Variants in HHAT observed in about 807,000 individuals in gnomAD.
HHAT encodes hedgehog acyltransferase.
Under a neutral mutation model 70.8 loss-of-function variants are expected in HHAT, and 47 were observed. That is an observed-to-expected ratio of 0.66 (90% CI 0.53 to 0.85). The LOEUF (loss-of-function observed/expected upper bound fraction) is 0.85, where lower values mean the gene tolerates loss of function less well. Ranked by LOEUF, HHAT falls within the 40% of genes least tolerant of loss-of-function variation. The pLI is 0.00. For synonymous variants in HHAT, 228 were observed against 247.6 expected (o/e 0.92, Z 0.74); for missense variants, 609 against 604.8 (o/e 1.01, Z -0.07).
chr1:210,649,209 T>G (rs1307094820), intron 11 of HHAT, among the ~76,000 whole-genome samples: 1 of 152,210 alleles, frequency 6.6e-6, no homozygotes, highest in Non-Finnish European at 1.5e-5. Context: ...AGATGGTGTT[T>G]GGAATCTCAT....
chr1:210,414,199 T>C (rs1305077985), intron 6 of HHAT, among the ~76,000 whole-genome samples: 4 of 152,222 alleles, frequency 2.6e-5, no homozygotes, highest in Non-Finnish European at 1.5e-5. Flanking sequence ...TAGAAGGAAC[T>C]AGCTAACTCT....
chr1:210,342,988 G>T (rs906425942), intron 1 of HHAT, among the ~76,000 whole-genome samples: 1 of 152,108 alleles, frequency 6.6e-6, no homozygotes, highest in Non-Finnish European at 1.5e-5. Flanking sequence ...AGTGTTGAAG[G>T]CCGAAAGAAT....
chr1:210,450,365 A>G lies in HHAT; in HGVS notation c.857-14140A>G, dbSNP rs534648573. Among the ~76,000 whole-genome samples, 53 of 152,242 alleles carry G rather than the reference A, an allele frequency of 3.5e-4. 1 individual carries two copies. The highest frequency in any genetic ancestry group is 1.1e-3 in the African/African-American group (45 of 41,554). Reference sequence around the variant, plus strand: ...GAAGGGTGCCAACTGGGGAAAATGTATGGAAGATCTGCATAGATCACTGGA... The same window carrying G: ...GAAGGGTGCCAACTGGGGAAAATGTGTGGAAGATCTGCATAGATCACTGGA... On this transcript the variant is annotated intron_variant, in intron 7 of 11. Transcript: ENST00000261458.
At chr1:210,578,310 G>A (rs1658378437) in intron 9 of HHAT, among the ~76,000 whole-genome samples, 1 of 152,044 alleles carries the variant, frequency 6.6e-6, no homozygotes, top group African/African-American at 2.4e-5. Flanking sequence ...ATATGTGTTA[G>A]GATGGCTATT....
intron 1 of HHAT, chr1:210,329,509 C>T: frequency 4.0e-6 from 4 of 997,902 alleles, no homozygotes; most frequent in Non-Finnish European, 4.8e-6. Context: ...TGCGTTCTAT[C>T]TTCAGGACTC....
intron 9 of HHAT, among the ~76,000 whole-genome samples, chr1:210,519,246 C>A (rs1326347801): frequency 6.6e-6 from 1 of 152,188 alleles, no homozygotes; most frequent in Non-Finnish European, 1.5e-5. Flanking sequence ...TCTATCTGTG[C>A]ATCTGTTGTT....
chr1:210,464,209 A>C (rs554564073), intron 7 of HHAT, among the ~76,000 whole-genome samples: 73 of 151,918 alleles, frequency 4.8e-4, no homozygotes, highest in African/African-American at 1.6e-3. Flanking sequence ...TCCCCTTCGT[A>C]ATAGTTTTTT....
intron 1 of HHAT, among the ~76,000 whole-genome samples, chr1:210,339,703 G>A (rs642116): frequency 0.76 from 114,872 of 152,118 alleles, 44,558 homozygotes; most frequent in African/African-American, 0.94. Context: ...GAGTTGTGTG[G>A]TGACAGAAGT....
chr1:210,450,855 G>A (rs891728219), intron 7 of HHAT, among the ~76,000 whole-genome samples: 1 of 151,790 alleles, frequency 6.6e-6, no homozygotes, highest in African/African-American at 2.4e-5. Flanking sequence ...TAAAAGTGCG[G>A]GCAGATCACG....
At chr1:210,338,388 C>G (rs1018075146) in intron 1 of HHAT, among the ~76,000 whole-genome samples, 2 of 152,076 alleles carry the variant, frequency 1.3e-5, no homozygotes, top group African/African-American at 4.8e-5. Context: ...TTGAAGGAAT[C>G]ATAGATGTTG....
chr1:210,379,971 A>AT (rs1283632133), intron 3 of HHAT, among the ~76,000 whole-genome samples: 2 of 152,144 alleles, frequency 1.3e-5, no homozygotes, highest in East Asian at 3.9e-4. Flanking sequence ...CTGTGAGCTT[A>AT]TATTTTCTCC....
chr1:210,466,733 A>G (rs1313356551), intron 8 of HHAT, among the ~76,000 whole-genome samples: 1 of 151,720 alleles, frequency 6.6e-6, no homozygotes, highest in African/African-American at 2.4e-5. Context: ...ACTATATTTC[A>G]TATTCAAAAT....
chr1:210,659,882 A>C (rs144285154), intron 11 of HHAT, among the ~76,000 whole-genome samples: 7,317 of 152,296 alleles, frequency 0.048, 270 homozygotes, highest in Non-Finnish European at 0.075. Flanking sequence ...TTCATGCCAA[A>C]AACTCTCAAT....
intron 8 of HHAT, among the ~76,000 whole-genome samples, chr1:210,482,689 T>A (rs1305043476): frequency 6.6e-6 from 1 of 152,206 alleles, no homozygotes; most frequent in Non-Finnish European, 1.5e-5. Context: ...CACGTTGCTG[T>A]ACTGCTATAA....
rs538116723 is a variant in HHAT, at chr1:210,568,327, A to G, written c.1044-19571A>G. On this transcript the variant is annotated intron_variant, in intron 9 of 11. Coordinates refer to ENST00000261458, the MANE Select transcript of HHAT (RefSeq NM_018194.6). Reference sequence around the variant, plus strand: ...CATCTCTTCATCTCTATCTTTTGTGATAATCTTTATAATAACAATTTAGGG... The same window carrying G: ...CATCTCTTCATCTCTATCTTTTGTGGTAATCTTTATAATAACAATTTAGGG... Among the ~76,000 whole-genome samples the G allele has an allele frequency of 3.0e-4, 46 of 152,186 alleles. No individual in the cohort carries two copies. The Middle Eastern group carries it at 0.013, about 42-fold the overall frequency.
chr1:210,614,903 T>TTA (rs1667361499), intron 10 of HHAT, among the ~76,000 whole-genome samples: 2 of 152,230 alleles, frequency 1.3e-5, no homozygotes, highest in African/African-American at 4.8e-5. Flanking sequence ...GCAGCATGAT[T>TTA]TATATTCCTT....
chr1:210,629,827 GTTT>G (rs11356413), intron 11 of HHAT, among the ~76,000 whole-genome samples: 1 of 147,628 alleles, frequency 6.8e-6, no homozygotes, highest in Non-Finnish European at 1.5e-5. Flanking sequence ...TCCTGTTTCT[GTTT>G]TTTTTTTGTT....
At chr1:210,461,438 A>G (rs1325796193) in intron 7 of HHAT, among the ~76,000 whole-genome samples, 1 of 152,178 alleles carries the variant, frequency 6.6e-6, no homozygotes, top group East Asian at 1.9e-4. Flanking sequence ...AGCTGGGACT[A>G]GAAGCGTGCA....
At chr1:210,417,544 A>G (rs1351582859) in intron 6 of HHAT, among the ~76,000 whole-genome samples, 1 of 151,738 alleles carries the variant, frequency 6.6e-6, no homozygotes, top group Non-Finnish European at 1.5e-5. Context: ...CTTATTTTAC[A>G]TTTTCTAAAG....
Sources: gnomAD v4.1 joint callset for allele counts (sites outside exome capture counted in the v4.1 genomes callset) on GRCh38, gnomAD v4.1.1 for gene constraint, MANE v1.5 for transcripts, NCBI Gene and HGNC (gene_info 2026-07-23, HGNC 2026-07-21) for gene names.